ACSS3: variants seen among roughly 807,000 people sequenced by gnomAD.
ACSS3 encodes acyl-CoA synthetase short chain family member 3, also known as acyl-CoA synthetase short-chain family member 3, mitochondrial.
ACSS3 carries 64 observed loss-of-function variants against 84.2 expected under a neutral mutation model. That is an observed-to-expected ratio of 0.76 (90% CI 0.62 to 0.94). The LOEUF (loss-of-function observed/expected upper bound fraction) is 0.94. ACSS3 is among the 40% of genes least tolerant of loss of function. The pLI, the probability that ACSS3 is intolerant of heterozygous loss-of-function variation, is 0.00. For missense variants in ACSS3, 815 were observed against 867.6 expected (o/e 0.94, Z 0.76); for synonymous variants, 317 against 310.1 (o/e 1.02, Z -0.23).
intron 13 of ACSS3, among the ~76,000 whole-genome samples, chr12:81,238,685 T>A (rs913299341): frequency 6.6e-6 from 1 of 151,890 alleles, no homozygotes; most frequent in Non-Finnish European, 1.5e-5. Context: ...ATTATCTTTT[T>A]AATGTCCATG....
Position 81,078,384 on chromosome 12 carries a change from GC to G in ACSS3, c.267del (p.Trp90GlyfsTer88), listed in dbSNP as rs1565963940. 1 of 1,612,736 alleles carries G rather than the reference GC, an allele frequency of 6.2e-7. No individual in the cohort carries two copies. Among genetic ancestry groups the G allele is most frequent in the South Asian group, 1.1e-5 (1 of 91,064 alleles). ...KAAEQISWYK[P>X]WTKTLENKHS... The stretch of plus-strand genomic sequence containing the variant: ...CTGCCGAGCAGATCAGCTGGTACAA[GC>G]CCTGGACCAAAACGCTGGAGAACAA... On this transcript the variant is annotated frameshift_variant, in exon 1 of 16. Coordinates refer to ENST00000548058, the MANE Select transcript of ACSS3 (RefSeq NM_024560.4). LOFTEE classifies it high-confidence loss of function.
chr12:81,184,726 G>A (rs1028974130), intron 8 of ACSS3, among the ~76,000 whole-genome samples: 3 of 151,608 alleles, frequency 2.0e-5, no homozygotes, highest in Non-Finnish European at 4.4e-5. Context: ...GTCAATTAAA[G>A]TGATTTGAGA....
Position 81,233,422 on chromosome 12 carries a change from A to T in ACSS3, c.1670A>T (p.Asp557Val), listed in dbSNP as rs1413532406. 7 of 1,611,060 alleles carry T rather than the reference A, an allele frequency of 4.3e-6. No individual in the cohort carries two copies. Among genetic ancestry groups the T allele is most frequent in the Non-Finnish European group, 5.1e-6 (6 of 1,178,016 alleles). ...TTGTATGTTATGTCTCGAGTGGATG[A>T]TGTAATAAATGTTGCAGGTCACAGA... is the stretch of plus-strand genomic sequence containing the variant. ...GYLYVMSRVDDVINVAGHRIS... is the reference protein window; with the variant it reads ...GYLYVMSRVDVVINVAGHRIS... The change falls in exon 13 of 16, where the codon GAT becomes GTT. Residue 557 changes from aspartate (D) to valine (V), a missense_variant. By Grantham distance (152) the Asp-to-Val change is radical (BLOSUM62 -3). Transcript: ENST00000548058.
Position 81,259,444 on chromosome 12 carries a change from G to T in ACSS3, c.*4522G>T. 1 of 662,218 alleles carries T rather than the reference G, an allele frequency of 1.5e-6. No individual in the cohort carries two copies. The highest frequency in any genetic ancestry group is 1.6e-5 in the South Asian group (1 of 60,768). The allele number at this position is 662,218 out of a possible 1,614,324, so 41.0% of individuals were successfully genotyped here. ...TCTGTTGTACAGAGTTTATGATGTA[G>T]ATGATGTTTATTATTCAAATGACTT... On this transcript the variant is annotated 3_prime_UTR_variant, in exon 16 of 16. Coordinates refer to ENST00000548058, the MANE Select transcript of ACSS3 (RefSeq NM_024560.4).
chr12:81,204,489 T>A (rs2135910279), intron 9 of ACSS3, among the ~76,000 whole-genome samples: 1 of 152,184 alleles, frequency 6.6e-6, no homozygotes, highest in Middle Eastern at 3.4e-3. Context: ...GGTATTGGTT[T>A]AGAAATGATT....
chr12:81,193,798 T>A (rs1470782681), intron 8 of ACSS3, among the ~76,000 whole-genome samples: 1 of 151,954 alleles, frequency 6.6e-6, no homozygotes, highest in Non-Finnish European at 1.5e-5. Flanking sequence ...AAGTTTTTTT[T>A]TAATTTTAAC....
intron 8 of ACSS3, among the ~76,000 whole-genome samples, chr12:81,177,456 A>G (rs1400367536): frequency 7.4e-6 from 1 of 135,976 alleles, no homozygotes; most frequent in Non-Finnish European, 1.8e-5. Context: ...AAACAACTTC[A>G]GTAAAGTTTC....
chr12:81,078,530 G>A, intron 1 of ACSS3, 99 bp downstream of exon 1: 1 of 1,354,038 alleles, frequency 7.4e-7, no homozygotes, highest in Non-Finnish European at 1.0e-6. Context: ...TATCACGAAA[G>A]AAAATTGAAA....
intron 1 of ACSS3, among the ~76,000 whole-genome samples, chr12:81,095,981 CTAT>C (rs1157738823): frequency 6.6e-6 from 1 of 152,160 alleles, no homozygotes; most frequent in Non-Finnish European, 1.5e-5. Flanking sequence ...TAACATAAGG[CTAT>C]TATTCTGTTC....
chr12:81,139,757 T>C (rs1017889310), intron 4 of ACSS3, among the ~76,000 whole-genome samples: 6 of 151,620 alleles, frequency 4.0e-5, no homozygotes, highest in African/African-American at 1.5e-4. Context: ...TGCCTCAGCC[T>C]CTGGAGTAGC....
At chr12:81,111,308 T>C (rs1324144239) in intron 2 of ACSS3, among the ~76,000 whole-genome samples, 1 of 152,172 alleles carries the variant, frequency 6.6e-6, no homozygotes, top group African/African-American at 2.4e-5. Context: ...TCTGTCATGC[T>C]GAACCCCTAT....
chr12:81,180,198 A>G (rs2030830199), intron 8 of ACSS3, among the ~76,000 whole-genome samples: 1 of 152,160 alleles, frequency 6.6e-6, no homozygotes, highest in African/African-American at 2.4e-5. Context: ...ATGGACACAA[A>G]GAAGGGAACA....
At chr12:81,217,470 C>T (rs1424007386) in intron 10 of ACSS3, among the ~76,000 whole-genome samples, 1 of 152,156 alleles carries the variant, frequency 6.6e-6, no homozygotes, top group African/African-American at 2.4e-5. Flanking sequence ...ATTTCAAAAG[C>T]TGCAGTTTCT....
At chr12:81,100,411 C>T (rs1348154065) in intron 1 of ACSS3, among the ~76,000 whole-genome samples, 2 of 152,100 alleles carry the variant, frequency 1.3e-5, no homozygotes, top group Non-Finnish European at 2.9e-5. Flanking sequence ...TGAGAGCTTA[C>T]ATGATGAAGG....
At chr12:81,208,009 C>A (rs1315896361) in intron 9 of ACSS3, among the ~76,000 whole-genome samples, 1 of 152,072 alleles carries the variant, frequency 6.6e-6, no homozygotes, top group Non-Finnish European at 1.5e-5. Flanking sequence ...AAACTAAAAT[C>A]CTACCATCTC....
At chr12:81,095,896 T>A (rs1174413808) in intron 1 of ACSS3, among the ~76,000 whole-genome samples, 1 of 152,216 alleles carries the variant, frequency 6.6e-6, no homozygotes, top group Non-Finnish European at 1.5e-5. Flanking sequence ...GTTTCTCTGT[T>A]AAAATAATTA....
intron 5 of ACSS3, among the ~76,000 whole-genome samples, chr12:81,148,408 AG>A (rs1344961825): frequency 6.6e-6 from 1 of 152,352 alleles, no homozygotes; most frequent in Admixed American, 6.5e-5. Flanking sequence ...GAAATTATAA[AG>A]AACTATCTGT....
At chr12:81,139,021 A>T in intron 3 of ACSS3, 110 bp from the exon 4 acceptor site, 3 of 1,182,908 alleles carry the variant, frequency 2.5e-6, no homozygotes, top group South Asian at 1.5e-5. Flanking sequence ...AAACAGAAAC[A>T]TTCAGACATT....
intron 5 of ACSS3, among the ~76,000 whole-genome samples, chr12:81,151,283 C>G (rs914198709): frequency 2.6e-5 from 4 of 152,092 alleles, no homozygotes; most frequent in African/African-American, 9.7e-5. Context: ...TGGAATTCAG[C>G]CCTAAGAGTT....
Sources: gnomAD v4.1 joint callset for allele counts (sites outside exome capture counted in the v4.1 genomes callset) on GRCh38, gnomAD v4.1.1 for gene constraint, MANE v1.5 for transcripts, NCBI Gene and HGNC (gene_info 2026-07-23, HGNC 2026-07-21) for gene names.